Variants in GOLM2 observed in about 807,000 individuals in gnomAD.
GOLM2 encodes the protein golgi membrane protein 2.
A neutral mutation model predicts 55.9 loss-of-function variants in GOLM2; 26 were observed. That is an observed-to-expected ratio of 0.47 (90% CI 0.34 to 0.65). The LOEUF is 0.65. GOLM2 is among the 30% of genes least tolerant of loss of function. The pLI, the probability that GOLM2 is intolerant of heterozygous loss-of-function variation, is 0.01. For missense variants in GOLM2, 486 were observed against 531.8 expected (o/e 0.91, Z 0.85); for synonymous variants, 165 against 194.6 (o/e 0.85, Z 1.27).
chr15:44,392,461 A>G (rs1416582458), intron 8 of GOLM2, among the ~76,000 whole-genome samples: 2 of 151,904 alleles, frequency 1.3e-5, no homozygotes, highest in South Asian at 2.1e-4. Context: ...TGTCTCTACT[A>G]AAAATACAAA....
chr15:44,380,918 A>C lies in GOLM2; in HGVS notation c.1014A>C (p.Thr338=), dbSNP rs1299350156. The change falls in exon 8 of 10, where the codon ACA becomes ACC. Residue 338 remains threonine, a synonymous_variant. Transcript: ENST00000299957. ...SNLDSEPRIQ[T]DILKQATKDR... ...TGGACAGTGAACCCAGAATTCAAAC[A>C]GATATACTAAAGCAGGCTACCAAGG... 1 of 1,602,498 alleles carries C rather than the reference A, an allele frequency of 6.2e-7. No homozygotes were observed. Among genetic ancestry groups the C allele is most frequent in the Non-Finnish European group, 8.5e-7 (1 of 1,173,998 alleles).
intron 8 of GOLM2, among the ~76,000 whole-genome samples, chr15:44,398,619 A>G (rs927435653): frequency 1.4e-5 from 2 of 147,124 alleles, no homozygotes; most frequent in African/African-American, 5.0e-5. Flanking sequence ...ATACTTTGTC[A>G]TTGGATTTAA....
At chr15:44,345,101 G>A (rs1460947407) in intron 6 of GOLM2, among the ~76,000 whole-genome samples, 5 of 151,034 alleles carry the variant, frequency 3.3e-5, no homozygotes, top group Non-Finnish European at 5.9e-5. Flanking sequence ...GTGAGCCACC[G>A]CGCCTGGCCT....
intron 9 of GOLM2, among the ~76,000 whole-genome samples, chr15:44,410,009 A>T (rs981672702): frequency 6.6e-6 from 1 of 152,004 alleles, no homozygotes; most frequent in Non-Finnish European, 1.5e-5. Context: ...CTGCTACATG[A>T]TGATTAAGTC....
At position 44,402,618 on chromosome 15, in the gene GOLM2, T is replaced by C. The variant is rs1313340176; in HGVS notation, c.1073-269T>C. 8.1e-5 allele frequency: 26 copies of C among 319,706 alleles called. 1 individual carries two copies. In the South Asian group the frequency reaches 1.3e-3, roughly 16 times the overall value. 19.8% of individuals were successfully genotyped at this position (319,706 alleles called of 1,614,324 possible). A position where few individuals can be genotyped will look rare whatever the true frequency, so the allele number is the denominator to read the frequency against. On this transcript the variant is annotated intron_variant, in intron 8 of 9. Transcript: ENST00000299957. ...ATTAGGAAAACATTCCTAAAAATGG[T>C]GCCCATTTCTTTAAGAAATCATTCA...
chr15:44,380,181 C>G (rs2079392460), intron 7 of GOLM2, among the ~76,000 whole-genome samples: 2 of 152,120 alleles, frequency 1.3e-5, no homozygotes, highest in South Asian at 4.2e-4. Context: ...TCTAAACACT[C>G]ATTCCATTTT....
chr15:44,335,941 A>G (rs1043828775), intron 4 of GOLM2, among the ~76,000 whole-genome samples: 1 of 148,780 alleles, frequency 6.7e-6, no homozygotes, highest in Non-Finnish European at 1.5e-5. Context: ...CAGCCTTCTG[A>G]GTAGCTGGGA....
chr15:44,379,171 A>T (rs1192433067), intron 6 of GOLM2, among the ~76,000 whole-genome samples: 1 of 152,128 alleles, frequency 6.6e-6, no homozygotes, highest in Admixed American at 6.5e-5. Context: ...GGGCAGATTT[A>T]TTGGTCAAAA....
chr15:44,369,430 A>G (rs1427734382), intron 6 of GOLM2, among the ~76,000 whole-genome samples: 1 of 151,514 alleles, frequency 6.6e-6, no homozygotes, highest in Non-Finnish European at 1.5e-5. Flanking sequence ...ATTATGTTCT[A>G]TAACTTTTGT....
intron 2 of GOLM2, among the ~76,000 whole-genome samples, chr15:44,325,505 T>G (rs2078975221): frequency 6.6e-6 from 1 of 152,220 alleles, no homozygotes; most frequent in African/African-American, 2.4e-5. Context: ...TCTGAAGCTA[T>G]TTCAGGTATT....
At chr15:44,402,294 G>C (rs1163424882) in intron 8 of GOLM2, among the ~76,000 whole-genome samples, 2 of 151,720 alleles carry the variant, frequency 1.3e-5, no homozygotes, top group African/African-American at 4.8e-5. Flanking sequence ...TAGGGATTCT[G>C]ATGGCTTACC....
intron 6 of GOLM2, among the ~76,000 whole-genome samples, chr15:44,352,906 CAAAAA>C (rs1243759883): frequency 9.7e-6 from 1 of 102,618 alleles, no homozygotes; most frequent in Admixed American, 1.1e-4. Context: ...AACTCCATCT[CAAAAA>C]AAAAAAAAGA....
intron 6 of GOLM2, among the ~76,000 whole-genome samples, chr15:44,364,948 AAT>A (rs2079274127): frequency 6.6e-6 from 1 of 152,180 alleles, no homozygotes; most frequent in South Asian, 2.1e-4. Context: ...GAGAATGCAA[AAT>A]TGTCAACTAC....
chr15:44,376,858 T>G (rs958157741), intron 6 of GOLM2, among the ~76,000 whole-genome samples: 2 of 152,170 alleles, frequency 1.3e-5, no homozygotes, highest in African/African-American at 2.4e-5. Context: ...CCTCTAACTA[T>G]TCTATCCTAG....
At position 44,402,642 on chromosome 15, in the gene GOLM2, C is replaced by T. The variant is rs958141488; in HGVS notation, c.1073-245C>T. On this transcript the variant is annotated intron_variant, in intron 8 of 9. Transcript: ENST00000299957. ...GTGCCCATTTCTTTAAGAAATCATTCAAATTTTAAGTGGCAAGCACTAAAA... is the reference window on the plus strand; with the variant it reads ...GTGCCCATTTCTTTAAGAAATCATTTAAATTTTAAGTGGCAAGCACTAAAA... 3 of 357,466 alleles carry T rather than the reference C, an allele frequency of 8.4e-6. No homozygotes were observed. In the South Asian group the frequency reaches 1.6e-4, roughly 19 times the overall value. The allele number at this position is 357,466 out of a possible 1,614,324, so 22.1% of individuals were successfully genotyped here.
chr15:44,411,267 C>T (rs2079637048), intron 9 of GOLM2, among the ~76,000 whole-genome samples: 1 of 151,944 alleles, frequency 6.6e-6, no homozygotes, highest in Admixed American at 6.6e-5. Context: ...AGTGATCTGC[C>T]TGCCTCTGCC....
At chr15:44,317,868 G>T (rs541934937) in intron 1 of GOLM2, among the ~76,000 whole-genome samples, 3 of 152,104 alleles carry the variant, frequency 2.0e-5, no homozygotes, top group Non-Finnish European at 4.4e-5. Flanking sequence ...ACCCCGATTA[G>T]AAATCTAAGC....
rs2078762255 is a variant in GOLM2, at chr15:44,297,201, T to G, written c.327+7845T>G. On this transcript the variant is annotated intron_variant, in intron 1 of 9. Transcript: ENST00000299957. ...TCATTCTGACTGCAGAATAGAGAAC[T>G]TGGCAGATCCCTAACTAGTCCCCTT... is the stretch of plus-strand genomic sequence containing the variant. Among the ~76,000 whole-genome samples, 10 of 152,232 alleles carry G rather than the reference T, an allele frequency of 6.6e-5. No individual in the cohort carries two copies. The South Asian group carries it at 1.9e-3, about 28-fold the overall frequency.
intron 8 of GOLM2, among the ~76,000 whole-genome samples, chr15:44,393,680 G>T (rs866996537): frequency 4.2e-4 from 64 of 152,048 alleles, no homozygotes; most frequent in African/African-American, 1.4e-3. Flanking sequence ...GAATGCAGTG[G>T]CGTGATCTCA....
Sources: allele counts gnomAD v4.1 joint callset (sites outside exome capture counted in the v4.1 genomes callset), GRCh38; gene constraint gnomAD v4.1.1; transcripts MANE v1.5; gene names NCBI Gene and HGNC (gene_info 2026-07-23, HGNC 2026-07-21).